Variants in HIVEP3 observed in about 807,000 individuals in gnomAD.
The protein encoded by HIVEP3 is transcription factor HIVEP3.
HIVEP3 carries 49 observed loss-of-function variants against 152.8 expected under a neutral mutation model. The observed-to-expected ratio is 0.32, with a 90% CI of 0.26 to 0.41. The LOEUF (loss-of-function observed/expected upper bound fraction) is 0.41. Ranked by LOEUF, HIVEP3 falls within the 10% of genes least tolerant of loss-of-function variation. HIVEP3 has a pLI of 1.00. For synonymous variants in HIVEP3, 1,269 were observed against 1,289.0 expected (o/e 0.98, Z 0.33); for missense variants, 2,790 against 3,103.3 (o/e 0.90, Z 2.40).
chr1:41,606,943 C>A (rs1397786635), intron 3 of HIVEP3, among the ~76,000 whole-genome samples: 1 of 151,888 alleles, frequency 6.6e-6, no homozygotes, highest in Admixed American at 6.6e-5. Context: ...GCCCTAAAGT[C>A]AGTATGATCT....
intron 1 of HIVEP3, among the ~76,000 whole-genome samples, chr1:41,826,951 A>G (rs1325569181): frequency 6.6e-6 from 1 of 152,134 alleles, no homozygotes; most frequent in Admixed American, 6.5e-5. Context: ...GAAGAAACTG[A>G]AGCTCAAAGA....
At chr1:41,588,484 G>A (rs71652196) in intron 3 of HIVEP3, among the ~76,000 whole-genome samples, 6,199 of 152,134 alleles carry the variant, frequency 0.041, 154 homozygotes, top group Middle Eastern at 0.082. Context: ...GTGGTGGAGC[G>A]CCCAGCAGCT....
intron 2 of HIVEP3, among the ~76,000 whole-genome samples, chr1:41,687,803 C>A (rs751867269): frequency 1.2e-4 from 18 of 152,216 alleles, no homozygotes; most frequent in Non-Finnish European, 1.9e-4. Flanking sequence ...TGGTTTTTAA[C>A]CTTTTTTGGG....
Position 41,596,071 on chromosome 1 carries a change from A to C in HIVEP3, c.-521-10753T>G, listed in dbSNP as rs993580565. Among the ~76,000 whole-genome samples, 105 of 152,222 alleles carry C rather than the reference A, an allele frequency of 6.9e-4. 1 individual carries two copies. The highest frequency in any genetic ancestry group is 1.3e-3 in the Non-Finnish European group (90 of 68,026). ...GCCACAGGAAATGTTTCAGGGCTCC[A>C]GGCAGGAGCCCCACGATGTGCTGGG... On this transcript the variant is annotated intron_variant, in intron 3 of 8. Transcript: ENST00000372583.
intron 2 of HIVEP3, among the ~76,000 whole-genome samples, chr1:41,661,768 G>A (rs1452184102): frequency 1.3e-5 from 2 of 152,216 alleles, no homozygotes; most frequent in African/African-American, 4.8e-5. Context: ...GCCGCGCCGG[G>A]GTGAGAGTCT....
At position 41,512,694 on chromosome 1, in the gene HIVEP3, A is replaced by G. The variant is rs1023587891; in HGVS notation, c.6405+122T>C. 6.3e-6 allele frequency: 5 copies of G among 794,652 alleles called. No individual in the cohort carries two copies. In the South Asian group the frequency reaches 9.4e-5, roughly 15 times the overall value. The allele number at this position is 794,652 out of a possible 1,614,324, so 49.2% of individuals were successfully genotyped here. A position where few individuals can be genotyped will look rare whatever the true frequency, so the allele number is the denominator to read the frequency against. Reference sequence around the variant, plus strand: ...GTGCCTAATAAATGTTTGCGAAATTATTAATAACTACTGAGCTGGCAGAGC... The same window carrying G: ...GTGCCTAATAAATGTTTGCGAAATTGTTAATAACTACTGAGCTGGCAGAGC... On this transcript the variant is annotated intron_variant, in intron 8 of 8. Coordinates refer to ENST00000372583, the MANE Select transcript of HIVEP3 (RefSeq NM_024503.5).
At chr1:41,863,905 T>A (rs1252555433) in intron 1 of HIVEP3, among the ~76,000 whole-genome samples, 1 of 152,144 alleles carries the variant, frequency 6.6e-6, no homozygotes, top group Non-Finnish European at 1.5e-5. Flanking sequence ...AGCAAATACA[T>A]CCAGATTAAG....
At position 41,518,454 on chromosome 1, in the gene HIVEP3, G is replaced by C. The variant is rs1642670168; in HGVS notation, c.5418C>G (p.His1806Gln). Residue 1806 changes from histidine (H) to glutamine (Q), a missense_variant, in exon 7 of 9, where the codon CAC becomes CAG. Physicochemically the swap from His to Gln is conservative, Grantham distance 24 (BLOSUM62 0). This residue lies in a region of HIVEP3 where 57 missense variants were observed against 95.1 expected (regional missense o/e 0.60). Transcript: ENST00000372583. ...NLTKHMKSKAHSKKCQETGVL... is the reference protein window; with the variant it reads ...NLTKHMKSKAQSKKCQETGVL... ...CCCCTGTCTCTTGGCACTTTTTGCT[G>C]TGGGCCTTCGACTTCATGTGCTTAG... 6.2e-7 allele frequency: 1 copy of C among 1,614,090 alleles called. No individual in the cohort carries two copies. The highest frequency in any genetic ancestry group is 1.7e-5 in the Admixed American group (1 of 60,012).
At chr1:41,797,743 C>T (rs553767508) in intron 1 of HIVEP3, among the ~76,000 whole-genome samples, 40 of 152,270 alleles carry the variant, frequency 2.6e-4, no homozygotes, top group African/African-American at 9.4e-4. Context: ...AATTCCAGCA[C>T]TTTGGGAGGC....
chr1:41,552,138 T>C (rs899281124), intron 5 of HIVEP3, among the ~76,000 whole-genome samples: 1 of 152,254 alleles, frequency 6.6e-6, no homozygotes, highest in African/African-American at 2.4e-5. Context: ...TTTCGTTATT[T>C]ATGCAGTAGT....
intron 2 of HIVEP3, among the ~76,000 whole-genome samples, chr1:41,643,058 C>T (rs980102966): frequency 5.3e-5 from 8 of 152,314 alleles, no homozygotes; most frequent in East Asian, 1.9e-4. Flanking sequence ...TCCACCCTAC[C>T]GCCACCGTCT....
chr1:41,787,450 C>A (rs188059838), intron 1 of HIVEP3, among the ~76,000 whole-genome samples: 2 of 152,146 alleles, frequency 1.3e-5, no homozygotes, highest in Non-Finnish European at 2.9e-5. Context: ...CGTATACTTA[C>A]GCCCCTTCCA....
At chr1:41,864,138 T>C (rs1643926271) in intron 1 of HIVEP3, among the ~76,000 whole-genome samples, 1 of 152,160 alleles carries the variant, frequency 6.6e-6, no homozygotes, top group African/African-American at 2.4e-5. Flanking sequence ...CACTGGAGAT[T>C]CCCCAAGGGC....
Position 41,508,467 on chromosome 1 carries a change from G to T in HIVEP3, c.*1984C>A, listed in dbSNP as rs1448610544. 6.6e-6 allele frequency: 1 copy of T among 152,214 alleles called. No individual in the cohort carries two copies. Among genetic ancestry groups the T allele is most frequent in the African/African-American group, 2.4e-5 (1 of 41,436 alleles). 9.4% of individuals were successfully genotyped at this position (152,214 alleles called of 1,614,324 possible). ...GAGGATGAGAGCCCTAGTCTCTGAG[G>T]GAAGCAGCCAGGAGCTGCTGGCTAA... On this transcript the variant is annotated 3_prime_UTR_variant, in exon 9 of 9. Transcript: ENST00000372583.
intron 2 of HIVEP3, among the ~76,000 whole-genome samples, chr1:41,632,897 G>A (rs1464053589): frequency 6.6e-6 from 1 of 152,188 alleles, no homozygotes; most frequent in Non-Finnish European, 1.5e-5. Context: ...TGTAGGGGCC[G>A]GGACATGACG....
chr1:41,885,509 T>C (rs986692173), intron 1 of HIVEP3, among the ~76,000 whole-genome samples: 3 of 152,032 alleles, frequency 2.0e-5, no homozygotes, highest in African/African-American at 4.8e-5. Flanking sequence ...GTACTAAAAA[T>C]ATAAAAATTA....
chr1:41,653,048 A>AT (rs1022808195), intron 2 of HIVEP3, among the ~76,000 whole-genome samples: 1 of 151,244 alleles, frequency 6.6e-6, no homozygotes, highest in African/African-American at 2.4e-5. Flanking sequence ...AGTGGGAAAA[A>AT]ATGTGAGAAA....
At chr1:41,767,547 CCT>C (rs1648091502) in intron 1 of HIVEP3, among the ~76,000 whole-genome samples, 1 of 152,162 alleles carries the variant, frequency 6.6e-6, no homozygotes. Context: ...CTTCTGCAGC[CCT>C]GCCTTTGTCC....
rs1490250422 is a variant in HIVEP3, at chr1:41,580,085, C to A, written c.4713G>T (p.Leu1571=). Residue 1571 remains leucine (L), a synonymous_variant, in exon 4 of 9, where the codon CTG becomes CTT. Transcript: ENST00000372583. The part of the protein sequence containing the change: ...DLPSLAPPSS[L]PLSETSSRPA... ...GTCTGGAGGACGTTTCTGACAGAGG[C>A]AGAGAGCTCGGAGGTGCCAAGGAGG... 2.5e-6 allele frequency: 4 copies of A among 1,614,220 alleles called. No homozygotes were observed. Among genetic ancestry groups the A allele is most frequent in the Non-Finnish European group, 3.4e-6 (4 of 1,180,040 alleles).
Sources: allele counts gnomAD v4.1 joint callset (sites outside exome capture counted in the v4.1 genomes callset), GRCh38; gene constraint gnomAD v4.1.1; regional missense constraint gnomAD v4.1.1; transcripts MANE v1.5; gene names NCBI Gene and HGNC (gene_info 2026-07-23, HGNC 2026-07-21).